Variants in STK10 observed in about 807,000 individuals in gnomAD.
STK10 encodes serine/threonine-protein kinase 10.
In STK10, 78 loss-of-function variants were observed where a neutral mutation model predicts 113.8. The observed-to-expected ratio is 0.69, with a 90% CI of 0.57 to 0.83. STK10 has a LOEUF of 0.83. Among genes scored for constraint, STK10 ranks in the 40% least tolerant of loss-of-function variants. The probability of loss-of-function intolerance (pLI) is 0.00; values close to 1 mark genes in which losing one functional copy is unlikely to be tolerated. For synonymous variants in STK10, 465 were observed against 494.7 expected (o/e 0.94, Z 0.80); for missense variants, 1,109 against 1,280.1 (o/e 0.87, Z 2.04).
intron 2 of STK10, 138 bp from the exon 3 acceptor site, chr5:172,127,559 C>G (rs1195523249): frequency 6.3e-6 from 5 of 799,306 alleles, no homozygotes; most frequent in Non-Finnish European, 9.8e-6. Flanking sequence ...CCTCCTCCTG[C>G]CTTGGGAGCC....
chr5:172,050,752 A>G, intron 18 of STK10, among the ~76,000 whole-genome samples: 1 of 150,668 alleles, frequency 6.6e-6, no homozygotes, highest in Admixed American at 6.6e-5. Context: ...TCAATCTGTC[A>G]CCCAGGCGGG....
intron 9 of STK10, among the ~76,000 whole-genome samples, chr5:172,091,592 G>A (rs1202635584): frequency 1.1e-4 from 16 of 150,310 alleles, no homozygotes; most frequent in African/African-American, 2.7e-4. Context: ...GTGCAGTGGC[G>A]CAGTCTCAGC....
intron 12 of STK10, among the ~76,000 whole-genome samples, chr5:172,076,167 GC>G: frequency 1.3e-5 from 2 of 148,284 alleles, no homozygotes; most frequent in Non-Finnish European, 1.5e-5. Flanking sequence ...TGTTGTGGGG[GC>G]TGTCCTGTGC....
chr5:172,052,683 G>A (rs1348300603), intron 18 of STK10, among the ~76,000 whole-genome samples: 1 of 152,230 alleles, frequency 6.6e-6, no homozygotes, highest in Non-Finnish European at 1.5e-5. Context: ...GTGGACACAT[G>A]GCAGGAGTCC....
In STK10 at chr5:172,142,968, G is replaced by C. The variant is rs143633084; in HGVS notation, c.321+13656C>G. 3.7e-3 allele frequency among the ~76,000 whole-genome samples: 562 copies of C among 152,322 alleles called. 6 individuals are homozygous for C. Among genetic ancestry groups the C allele is most frequent in the African/African-American group, 0.013 (542 of 41,576 alleles). ...TGGTCAGCACACACATACCAAGTGA[G>C]CTTGCTCACCAGAGATAAGGAAGCC... On this transcript the variant is annotated intron_variant, in intron 2 of 18. Coordinates refer to ENST00000176763, the MANE Select transcript of STK10 (RefSeq NM_005990.4).
At chr5:172,076,959 C>T (rs1471450233) in intron 12 of STK10, among the ~76,000 whole-genome samples, 1 of 152,222 alleles carries the variant, frequency 6.6e-6, no homozygotes, top group Non-Finnish European at 1.5e-5. Context: ...AGAAACGTCA[C>T]ACCACTGACC....
Position 172,106,805 on chromosome 5 carries a change from G to C in STK10, c.603C>G (p.Pro201=), listed in dbSNP as rs141963161. 7 of 1,613,680 alleles carry C rather than the reference G, an allele frequency of 4.3e-6. No homozygotes were observed. Among genetic ancestry groups the C allele is most frequent in the Non-Finnish European group, 5.9e-6 (7 of 1,179,806 alleles). The change falls in exon 6 of 19, where the codon CCC becomes CCG. Residue 201 remains proline, a synonymous_variant. Coordinates refer to ENST00000176763, the MANE Select transcript of STK10 (RefSeq NM_005990.4). The part of the protein sequence containing the change: ...SFIGTPYWMA[P]EVVMCETMKD... ...TCATGGTCTCACACATGACCACCTC[G>C]GGGGCCATCCTGAACCAACCAAGGG...
intron 18 of STK10, among the ~76,000 whole-genome samples, chr5:172,048,995 C>G (rs928777072): frequency 6.6e-6 from 1 of 152,148 alleles, no homozygotes; most frequent in East Asian, 1.9e-4. Flanking sequence ...GCACGCCTCC[C>G]TCCCTCAGGT....
chr5:172,073,825 C>G (rs1581141641), intron 12 of STK10, among the ~76,000 whole-genome samples: 2 of 144,500 alleles, frequency 1.4e-5, no homozygotes, highest in South Asian at 2.2e-4. Flanking sequence ...ATTAGTCAGG[C>G]GTGGTGGCAC....
rs369407918 is a variant in STK10, at chr5:172,071,212, CAAAAAAAAAAAAAAAA to C, written c.1990-6416_1990-6401del. ...CGACAGAGTGAGACGCTCTCTATCT[CAAAAAAAAAAAAAAAA>C]AAAAAAAAAAAAAGAAATAGGTATT... On this transcript the variant is annotated intron_variant, in intron 12 of 18. Coordinates refer to ENST00000176763, the MANE Select transcript of STK10 (RefSeq NM_005990.4). Among the ~76,000 whole-genome samples the C allele has an allele frequency of 2.6e-4, 7 of 26,580 alleles. No individual in the cohort carries two copies. In the Admixed American group the frequency reaches 3.0e-3, roughly 12 times the overall value. 17.4% of individuals were successfully genotyped at this position (26,580 alleles called of 152,430 possible).
chr5:172,150,778 T>C (rs1421985233), intron 2 of STK10, among the ~76,000 whole-genome samples: 2 of 152,222 alleles, frequency 1.3e-5, no homozygotes, highest in African/African-American at 2.4e-5. Context: ...CTCTTGATCC[T>C]GGGACCAGTA....
intron 2 of STK10, among the ~76,000 whole-genome samples, chr5:172,137,131 G>T (rs1769879450): frequency 6.6e-6 from 1 of 151,904 alleles, no homozygotes; most frequent in Non-Finnish European, 1.5e-5. Flanking sequence ...ACAGTTCCTG[G>T]GTCTGTTATA....
chr5:172,065,292 C>CTTTT (rs535856789), intron 12 of STK10, among the ~76,000 whole-genome samples: 2 of 123,176 alleles, frequency 1.6e-5, no homozygotes, highest in Non-Finnish European at 3.4e-5. Context: ...TGAAAATGCA[C>CTTTT]TTTTTTTTTT....
At chr5:172,150,953 C>A (rs189033128) in intron 2 of STK10, among the ~76,000 whole-genome samples, 2 of 152,212 alleles carry the variant, frequency 1.3e-5, no homozygotes, top group Admixed American at 6.5e-5. Flanking sequence ...TGGCTGCTCG[C>A]GACAGACCCC....
intron 12 of STK10, among the ~76,000 whole-genome samples, chr5:172,065,831 A>C (rs997808755): frequency 2.0e-5 from 3 of 151,738 alleles, no homozygotes; most frequent in African/African-American, 4.8e-5. Flanking sequence ...CCTGAGATGA[A>C]CTCAGCACAG....
At chr5:172,174,732 T>C (rs1770723659) in intron 1 of STK10, among the ~76,000 whole-genome samples, 1 of 151,996 alleles carries the variant, frequency 6.6e-6, no homozygotes, top group Non-Finnish European at 1.5e-5. Context: ...ACCCGGAGAA[T>C]GAGGAGGAGC....
intron 1 of STK10, among the ~76,000 whole-genome samples, chr5:172,182,390 T>A (rs962077215): frequency 1.3e-5 from 2 of 151,928 alleles, no homozygotes; most frequent in African/African-American, 2.4e-5. Context: ...TGTTTTGTTT[T>A]GAGCCAGGGT....
At chr5:172,161,145 T>C (rs1770461762) in intron 1 of STK10, among the ~76,000 whole-genome samples, 1 of 152,090 alleles carries the variant, frequency 6.6e-6, no homozygotes, top group Non-Finnish European at 1.5e-5. Flanking sequence ...AGGAGCCTTC[T>C]GGAAGGAAGC....
At chr5:172,128,719 C>T (rs1343026581) in intron 2 of STK10, among the ~76,000 whole-genome samples, 2 of 152,238 alleles carry the variant, frequency 1.3e-5, no homozygotes, top group African/African-American at 4.8e-5. Context: ...TCTTAGCTTC[C>T]AGCTCCTGGC....
Sources: gnomAD v4.1 joint callset for allele counts (sites outside exome capture counted in the v4.1 genomes callset) on GRCh38, gnomAD v4.1.1 for gene constraint, MANE v1.5 for transcripts, NCBI Gene and HGNC (gene_info 2026-07-23, HGNC 2026-07-21) for gene names.